The following OPA1 variants were observed in gnomAD, a reference collection of about 807,000 sequenced individuals.
OPA1 encodes dynamin-like GTPase OPA1, mitochondrial.
In OPA1, 59 loss-of-function variants were observed where a neutral mutation model predicts 152.9. The ratio of observed to expected loss-of-function variants is 0.39; its 90% CI spans 0.31 to 0.48. The LOEUF (loss-of-function observed/expected upper bound fraction) is 0.48. Among genes scored for constraint, OPA1 ranks in the 20% least tolerant of loss-of-function variants. The pLI is 0.96. For synonymous variants in OPA1, 400 were observed against 389.9 expected (o/e 1.03, Z -0.31); for missense variants, 1,008 against 1,216.8 (o/e 0.83, Z 2.55).
chr3:193,653,477 G>A (rs1188813092), intron 21 of OPA1, among the ~76,000 whole-genome samples: 1 of 148,290 alleles, frequency 6.7e-6, no homozygotes, highest in Non-Finnish European at 1.5e-5. Context: ...GATAAGCAGA[G>A]TTTTTTTTTT....
intron 29 of OPA1, among the ~76,000 whole-genome samples, chr3:193,680,978 G>A (rs1163148249): frequency 6.6e-6 from 1 of 152,006 alleles, no homozygotes; most frequent in South Asian, 2.1e-4. Flanking sequence ...AAATATTTCA[G>A]AGTAAATCAT....
intron 30 of OPA1, among the ~76,000 whole-genome samples, chr3:193,693,646 A>G (rs987400567): frequency 2.0e-5 from 3 of 152,260 alleles, no homozygotes; most frequent in African/African-American, 4.8e-5. Context: ...GTCTCAAAAA[A>G]AAAGTGAAGA....
intron 1 of OPA1, among the ~76,000 whole-genome samples, chr3:193,610,840 G>A (rs1172564002): frequency 6.6e-6 from 1 of 152,236 alleles, no homozygotes; most frequent in African/African-American, 2.4e-5. Flanking sequence ...TGAGCCAGGC[G>A]CGGGATATAG....
In OPA1 at chr3:193,676,930, G is replaced by T. The variant is rs572787186; in HGVS notation, c.2983+9650G>T. On this transcript the variant is annotated intron_variant, in intron 29 of 30. Coordinates refer to ENST00000361510, the MANE Select transcript of OPA1 (RefSeq NM_130837.3). ...TGGGAGGCGGAGCTTGCGGTGAGCCGAGATCGCGCCACTGCACTCCAGCCT... is the reference window on the plus strand; with the variant it reads ...TGGGAGGCGGAGCTTGCGGTGAGCCTAGATCGCGCCACTGCACTCCAGCCT... 5.8e-5 allele frequency among the ~76,000 whole-genome samples: 8 copies of T among 138,778 alleles called. No homozygotes were observed. The South Asian group carries it at 1.8e-3, about 32-fold the overall frequency. The allele number at this position is 138,778 out of a possible 152,430, so 91.0% of individuals were successfully genotyped here.
intron 1 of OPA1, among the ~76,000 whole-genome samples, chr3:193,594,277 C>T (rs1192595778): frequency 6.6e-6 from 1 of 152,160 alleles, no homozygotes; most frequent in Non-Finnish European, 1.5e-5. Flanking sequence ...ATTGGAAAAA[C>T]GTGGTTTTCC....
intron 1 of OPA1, among the ~76,000 whole-genome samples, chr3:193,607,878 T>C (rs1013181644): frequency 6.6e-6 from 1 of 152,222 alleles, no homozygotes; most frequent in Admixed American, 6.5e-5. Context: ...CGATATTGAT[T>C]CTTCCTACCC....
intron 21 of OPA1, among the ~76,000 whole-genome samples, chr3:193,650,930 C>A (rs552882211): frequency 1.3e-5 from 2 of 151,990 alleles, no homozygotes; most frequent in African/African-American, 4.8e-5. Context: ...TAGAAATTCT[C>A]GGACTTCAGA....
At chr3:193,651,659 G>A (rs1712483685) in intron 21 of OPA1, among the ~76,000 whole-genome samples, 2 of 152,196 alleles carry the variant, frequency 1.3e-5, no homozygotes, top group South Asian at 4.1e-4. Context: ...CCTTTGAAAA[G>A]TATAGGATGT....
At chr3:193,669,927 C>T (rs1717544221) in intron 29 of OPA1, among the ~76,000 whole-genome samples, 1 of 152,158 alleles carries the variant, frequency 6.6e-6, no homozygotes, top group African/African-American at 2.4e-5. Flanking sequence ...TGATTTACTA[C>T]TTTTGTACAT....
chr3:193,648,619 A>G, intron 20 of OPA1, 176 bp from the exon 21 acceptor site: 1 of 560,758 alleles, frequency 1.8e-6, no homozygotes, highest in Non-Finnish European at 3.3e-6. Context: ...CTTTGTCCTT[A>G]TCTGCATAAT....
chr3:193,619,856 CTT>C (rs1729725079), intron 6 of OPA1, among the ~76,000 whole-genome samples: 1 of 152,104 alleles, frequency 6.6e-6, no homozygotes. Flanking sequence ...GTTTTCATCT[CTT>C]TCCTTGTTCT....
chr3:193,639,056 A>C (rs1733364458), intron 11 of OPA1, among the ~76,000 whole-genome samples: 1 of 152,218 alleles, frequency 6.6e-6, no homozygotes. Context: ...AAAGTTACTG[A>C]GGTGAAGGAG....
chr3:193,685,942 CAT>C, intron 29 of OPA1, among the ~76,000 whole-genome samples: 1 of 152,262 alleles, frequency 6.6e-6, no homozygotes, highest in East Asian at 1.9e-4. Context: ...ACAACATTGT[CAT>C]ATATTTTAAA....
At chr3:193,657,384 T>G (rs1714110041) in intron 23 of OPA1, 152 bp downstream of exon 23, 2 of 749,838 alleles carry the variant, frequency 2.7e-6, no homozygotes, top group Non-Finnish European at 4.3e-6. Flanking sequence ...TAATCTGCCC[T>G]TTAATATTTC....
intron 26 of OPA1, among the ~76,000 whole-genome samples, chr3:193,663,367 GT>G (rs1432922616): frequency 2.0e-5 from 3 of 152,110 alleles, no homozygotes; most frequent in African/African-American, 7.2e-5. Context: ...TTAGATGTGA[GT>G]GGATTCAGAA....
chr3:193,602,866 C>T (rs530965227), intron 1 of OPA1, among the ~76,000 whole-genome samples: 1 of 152,180 alleles, frequency 6.6e-6, no homozygotes, highest in South Asian at 2.1e-4. Flanking sequence ...CTAATAATTT[C>T]TTAGCTATGG....
At chr3:193,688,816 G>A (rs541557154) in intron 29 of OPA1, among the ~76,000 whole-genome samples, 3 of 151,884 alleles carry the variant, frequency 2.0e-5, no homozygotes, top group Non-Finnish European at 4.4e-5. Flanking sequence ...CCCCCATCTT[G>A]ACAAAAAAAA....
intron 30 of OPA1, among the ~76,000 whole-genome samples, 163 bp downstream of exon 30, chr3:193,692,295 G>A (rs181599287): frequency 2.2e-4 from 33 of 152,260 alleles, no homozygotes; most frequent in African/African-American, 4.3e-4. Context: ...TTTGTATAAC[G>A]TTGCTTTGAA....
At chr3:193,630,794 T>C (rs1191457306) in intron 7 of OPA1, among the ~76,000 whole-genome samples, 2 of 152,200 alleles carry the variant, frequency 1.3e-5, no homozygotes, top group African/African-American at 4.8e-5. Flanking sequence ...TCATTTTTAT[T>C]ATATTTTGTA....
Sources: allele counts gnomAD v4.1 joint callset (sites outside exome capture counted in the v4.1 genomes callset), GRCh38; gene constraint gnomAD v4.1.1; transcripts MANE v1.5; gene names NCBI Gene and HGNC (gene_info 2026-07-23, HGNC 2026-07-21).